CDKL5: variants seen among roughly 807,000 people sequenced by gnomAD.
CDKL5 encodes the protein cyclin-dependent kinase-like 5.
A neutral mutation model predicts 61.7 loss-of-function variants in CDKL5; 8 were observed. The ratio of observed to expected loss-of-function variants is 0.13; its 90% confidence interval spans 0.08 to 0.23. The LOEUF is 0.23. Ranked by LOEUF, CDKL5 falls within the 10% of genes least tolerant of loss-of-function variation. The pLI, the probability that CDKL5 is intolerant of heterozygous loss-of-function variation, is 1.00. For missense variants in CDKL5, 440 were observed against 734.5 expected (o/e 0.60, Z 4.63); for synonymous variants, 275 against 272.3 (o/e 1.01, Z -0.10).
In CDKL5 at chrX:18,630,797, T is replaced by A. The variant is rs183336259; in HGVS notation, c.*2040T>A. 6.9e-5 allele frequency: 52 copies of A among 749,056 alleles called. 1 individual carries two copies. In the Admixed American group the frequency reaches 4.4e-3, roughly 63 times the overall value. The allele number at this position is 749,056 out of a possible 1,213,427, so 61.7% of individuals were successfully genotyped here. On this transcript the variant is annotated 3_prime_UTR_variant, in exon 18 of 18. Coordinates refer to ENST00000623535, the MANE Select transcript of CDKL5 (RefSeq NM_001323289.2). ...TCTTTAGTTCTTTTTCTGTCTTACT[T>A]CTTTCACCAGTTCAGTACTGTTTGG...
chrX:18,648,150 C>T (rs1311077384), intron 20 of CDKL5, among the ~76,000 whole-genome samples: 1 of 111,255 alleles, frequency 9.0e-6, no homozygotes, highest in African/African-American at 3.3e-5. Context: ...TTCAGTGAGC[C>T]GAGGTGGTGC....
At chrX:18,544,998 C>T (rs1924142319) in intron 3 of CDKL5, among the ~76,000 whole-genome samples, 1 of 111,084 alleles carries the variant, frequency 9.0e-6, no homozygotes, top group Admixed American at 9.6e-5. Context: ...GAGGCCAAGG[C>T]GGGAGGATTG....
At chrX:18,643,124 G>A (rs1465507553), downstream of CDKL5, among the ~76,000 whole-genome samples, 1 of 110,709 alleles carries the variant, frequency 9.0e-6, no homozygotes, top group Non-Finnish European at 1.9e-5. Context: ...GAGAAAGGGG[G>A]TTTGCTTAGT....
At chrX:18,528,951 A>AT (rs1923545958) in intron 3 of CDKL5, among the ~76,000 whole-genome samples, 2 of 110,946 alleles carry the variant, frequency 1.8e-5, no homozygotes, top group African/African-American at 6.6e-5. Context: ...CTTTATATTC[A>AT]TTTTTTTAAA....
intron 1 of CDKL5, among the ~76,000 whole-genome samples, chrX:18,442,014 C>A (rs893971182): frequency 1.8e-5 from 2 of 111,225 alleles, no homozygotes; most frequent in Admixed American, 9.6e-5. Context: ...CACCCCTCCT[C>A]CCTGCTGCTC....
chrX:18,651,148 C>T (rs1206732884), intron 21 of CDKL5, among the ~76,000 whole-genome samples: 3 of 100,242 alleles, frequency 3.0e-5, no homozygotes, highest in Non-Finnish European at 6.1e-5. Flanking sequence ...CCCCGCCACA[C>T]CCTCCAGAGA....
At chrX:18,505,561 T>C (rs1017987756) in intron 1 of CDKL5, among the ~76,000 whole-genome samples, 1 of 112,088 alleles carries the variant, frequency 8.9e-6, no homozygotes, top group Non-Finnish European at 1.9e-5. Context: ...GACCTTGACA[T>C]TTTAAAAGAA....
intron 3 of CDKL5, among the ~76,000 whole-genome samples, chrX:18,564,197 A>C (rs367988319): frequency 2.7e-5 from 3 of 111,447 alleles, no homozygotes; most frequent in African/African-American, 9.8e-5. Flanking sequence ...CAAGACATTG[A>C]CACTAATGAT....
In CDKL5 at chrX:18,598,545, G is replaced by A. The variant is rs1159901195; in HGVS notation, c.909G>A (p.Leu303=). The change falls in exon 11 of 18, where the codon CTG becomes CTA. Residue 303 remains leucine, a synonymous_variant. Transcript: ENST00000623535. ...NHPTFQTQRL[L]DRSPSRSAKR... Reference sequence around the variant, plus strand: ...CTACATTTCAAACCCAGAGACTTCTGGATCGTTCTCCTTCAAGGTCAGCAA... The same window carrying A: ...CTACATTTCAAACCCAGAGACTTCTAGATCGTTCTCCTTCAAGGTCAGCAA... The A allele has an allele frequency of 5.0e-6, 6 of 1,207,194 alleles. No individual in the cohort carries two copies. The highest frequency in any genetic ancestry group is 6.7e-6 in the Non-Finnish European group (6 of 892,760).
At chrX:18,525,815 C>T (rs755622200) in intron 3 of CDKL5, among the ~76,000 whole-genome samples, 360 of 103,557 alleles carry the variant, frequency 3.5e-3, no homozygotes, top group African/African-American at 0.012. Flanking sequence ...GGTGCGATCT[C>T]GGCCCACTGC....
chrX:18,570,428 T>G (rs146503746), intron 4 of CDKL5, among the ~76,000 whole-genome samples: 69 of 111,878 alleles, frequency 6.2e-4, no homozygotes, highest in African/African-American at 2.2e-3. Context: ...GTCCTCATCT[T>G]TCTTGGTGTA....
In CDKL5 at chrX:18,637,975, T is replaced by G. The variant is rs1223592767; in HGVS notation, c.*9218T>G. 5 of 111,511 alleles carry G rather than the reference T, an allele frequency of 4.5e-5. No homozygotes were observed. The highest frequency in any genetic ancestry group is 8.4e-3 in the Middle Eastern group (2 of 239). 9.2% of individuals were successfully genotyped at this position (111,511 alleles called of 1,213,427 possible). On this transcript the variant is annotated 3_prime_UTR_variant, in exon 18 of 18. Transcript: ENST00000623535. The stretch of plus-strand genomic sequence containing the variant: ...CGTATCAGCCCTGTAAGGTTGGGCT[T>G]AAGAATGACCCAGCATGGAAGTACT...
chrX:18,571,949 A>AT (rs1925148613), intron 4 of CDKL5, among the ~76,000 whole-genome samples: 1 of 111,629 alleles, frequency 9.0e-6, no homozygotes, highest in Admixed American at 9.6e-5. Flanking sequence ...ATTCTAGGTA[A>AT]TTTTGTGTGC....
chrX:18,527,870 A>G (rs1043652945), intron 3 of CDKL5, among the ~76,000 whole-genome samples: 3 of 111,909 alleles, frequency 2.7e-5, no homozygotes, highest in Non-Finnish European at 5.6e-5. Flanking sequence ...TGCTGCTTTC[A>G]TAGTATTGCA....
chrX:18,598,337 A>G lies in CDKL5; in HGVS notation c.826-125A>G, dbSNP rs189243647. 1,021 of 503,717 alleles carry G rather than the reference A, an allele frequency of 2.0e-3. 10 individuals carry two copies. Among genetic ancestry groups the G allele is most frequent in the Admixed American group, 0.016 (445 of 27,218 alleles). The allele number at this position is 503,717 out of a possible 1,213,427, so 41.5% of individuals were successfully genotyped here. Reference sequence around the variant, plus strand: ...TAGTCTTTTTTTTTTTATTTCCTGAACTGTGTTTACTTGATATTCTGCAAT... The same window carrying G: ...TAGTCTTTTTTTTTTTATTTCCTGAGCTGTGTTTACTTGATATTCTGCAAT... On this transcript the variant is annotated intron_variant, in intron 10 of 17. Transcript: ENST00000623535.
intron 12 of CDKL5, among the ~76,000 whole-genome samples, chrX:18,606,925 A>G (rs1403413861): frequency 8.9e-6 from 1 of 112,117 alleles, no homozygotes; most frequent in Non-Finnish European, 1.9e-5. Context: ...GAAGGATTGA[A>G]TATAGGAAAA....
rs769014273 is a variant in CDKL5 at position 18,639,502 on chromosome X, T to C, written c.*10745T>C. 4.4e-5 allele frequency among the ~76,000 whole-genome samples: 5 copies of C among 112,397 alleles called. No homozygotes were observed. The South Asian group carries it at 1.1e-3, about 25-fold the overall frequency. On this transcript the variant is annotated 3_prime_UTR_variant, in exon 18 of 18. Coordinates refer to ENST00000623535, the MANE Select transcript of CDKL5 (RefSeq NM_001323289.2). ...TATGGGTATAGTCAAAGATGGACAGTAACAAGTGTTGCTGAGGATGTGGAG... is the reference window on the plus strand; with the variant it reads ...TATGGGTATAGTCAAAGATGGACAGCAACAAGTGTTGCTGAGGATGTGGAG...
At chrX:18,588,271 C>G in intron 9 of CDKL5, 128 bp downstream of exon 9, 2 of 505,929 alleles carry the variant, frequency 4.0e-6, no homozygotes, top group South Asian at 3.7e-5. Flanking sequence ...GTTTATAATC[C>G]CTATTATAAT....
chrX:18,468,528 T>A (rs918977330), intron 1 of CDKL5, among the ~76,000 whole-genome samples: 1 of 112,241 alleles, frequency 8.9e-6, no homozygotes, highest in African/African-American at 3.2e-5. Flanking sequence ...TTAGTAAGCG[T>A]AAGCACTGGC....
Sources: allele counts gnomAD v4.1 joint callset (sites outside exome capture counted in the v4.1 genomes callset), GRCh38; gene constraint gnomAD v4.1.1; transcripts MANE v1.5; gene names NCBI Gene and HGNC (gene_info 2026-07-23, HGNC 2026-07-21).